VDAC1: variants seen among roughly 807,000 people sequenced by gnomAD.
VDAC1 encodes the protein non-selective voltage-gated ion channel VDAC1.
VDAC1 carries 10 observed loss-of-function variants against 34.7 expected under a neutral mutation model. The ratio of observed to expected loss-of-function variants is 0.29; its 90% confidence interval spans 0.18 to 0.49. The LOEUF (loss-of-function observed/expected upper bound fraction) is 0.49, where lower values mean the gene tolerates loss of function less well. Among genes scored for constraint, VDAC1 ranks in the 20% least tolerant of loss-of-function variants. The pLI is 0.99. For missense variants in VDAC1, 230 were observed against 347.9 expected, an observed-to-expected ratio of 0.66 and a Z score of 2.69; for synonymous variants, 130 against 136.0, an observed-to-expected ratio of 0.96 and a Z score of 0.30.
chr5:134,048,554 T>C, the VDAC1 span, among the ~76,000 whole-genome samples: 1 of 152,230 alleles, frequency 6.6e-6, no homozygotes, highest in African/African-American at 2.4e-5. Flanking sequence ...ATTACAAGCA[T>C]GAGCCACCGT....
the VDAC1 span, among the ~76,000 whole-genome samples, chr5:134,023,232 A>T: frequency 2.4e-4 from 37 of 152,156 alleles, no homozygotes; most frequent in South Asian, 7.5e-3. Flanking sequence ...GGAACAGAAA[A>T]CCAAACACCG....
the VDAC1 span, among the ~76,000 whole-genome samples, chr5:134,092,581 C>T: frequency 6.6e-6 from 1 of 151,252 alleles, no homozygotes; most frequent in Admixed American, 6.6e-5. Context: ...GAGGCTGAGG[C>T]AGGAGAATCG....
chr5:134,081,473 C>A, the VDAC1 span, among the ~76,000 whole-genome samples: 1 of 152,202 alleles, frequency 6.6e-6, no homozygotes, highest in Non-Finnish European at 1.5e-5. Context: ...ACTACTGTGT[C>A]CAGCCAAAAC....
chr5:134,027,836 T>A, the VDAC1 span, among the ~76,000 whole-genome samples: 1 of 148,664 alleles, frequency 6.7e-6, no homozygotes, highest in Non-Finnish European at 1.5e-5. Context: ...AGTGGTGTGA[T>A]CTCGGCTCAC....
the VDAC1 span, among the ~76,000 whole-genome samples, chr5:134,040,705 C>T: frequency 6.6e-5 from 10 of 152,090 alleles, no homozygotes; most frequent in East Asian, 1.2e-3. Flanking sequence ...CCAGCCTGGG[C>T]GACAGAGCGA....
At chr5:134,088,491 G>A in the VDAC1 span, among the ~76,000 whole-genome samples, 2 of 152,228 alleles carry the variant, frequency 1.3e-5, no homozygotes, top group Non-Finnish European at 2.9e-5. Flanking sequence ...GCAAGGGAGA[G>A]CATTCCAGGG....
the VDAC1 span, among the ~76,000 whole-genome samples, chr5:134,062,320 T>A: frequency 2.0e-4 from 30 of 151,908 alleles, no homozygotes; most frequent in African/African-American, 7.2e-4. Context: ...TACGGAATTT[T>A]TATCAAATGC....
At chr5:134,076,656 A>G in the VDAC1 span, among the ~76,000 whole-genome samples, 6 of 152,102 alleles carry the variant, frequency 3.9e-5, no homozygotes, top group African/African-American at 1.4e-4. Context: ...TATACCATAC[A>G]GCCTTCAAAG....
chr5:134,058,226 C>T, the VDAC1 span, among the ~76,000 whole-genome samples: 2 of 152,096 alleles, frequency 1.3e-5, no homozygotes, highest in Non-Finnish European at 2.9e-5. Context: ...GTTTTGTAAG[C>T]TGATGATGAT....
the VDAC1 span, among the ~76,000 whole-genome samples, chr5:134,062,789 G>C: frequency 6.6e-6 from 1 of 151,454 alleles, no homozygotes; most frequent in African/African-American, 2.4e-5. Context: ...ACCATGCTCA[G>C]CTAATTTTTG....
the VDAC1 span, among the ~76,000 whole-genome samples, chr5:134,061,934 G>A: frequency 6.6e-6 from 1 of 151,680 alleles, no homozygotes; most frequent in African/African-American, 2.4e-5. Context: ...GGTTTGGGAA[G>A]TTCCCTTCAA....
the VDAC1 span, among the ~76,000 whole-genome samples, chr5:134,077,502 C>T: frequency 3.0e-4 from 45 of 152,194 alleles, no homozygotes; most frequent in African/African-American, 1.0e-3. Context: ...GAACTGTTCT[C>T]ATGTGCATGG....
At chr5:133,996,491 G>A (rs549430800) in intron 1 of VDAC1, among the ~76,000 whole-genome samples, 1 of 152,124 alleles carries the variant, frequency 6.6e-6, no homozygotes, top group South Asian at 2.1e-4. Context: ...TCTGTCTTGG[G>A]GGTACACATC....
intron 5 of VDAC1, among the ~76,000 whole-genome samples, chr5:133,983,249 TAA>T (rs80036951): frequency 1.1e-4 from 14 of 132,344 alleles, no homozygotes; most frequent in Admixed American, 1.5e-4. Flanking sequence ...ACTCCATCTT[TAA>T]AAAAAAAAAA....
At chr5:134,017,386 G>C in the VDAC1 span, among the ~76,000 whole-genome samples, 2 of 151,734 alleles carry the variant, frequency 1.3e-5, no homozygotes, top group African/African-American at 4.8e-5. Context: ...GAACCTGGAG[G>C]TGGAGGTTGC....
the VDAC1 span, among the ~76,000 whole-genome samples, chr5:134,041,250 CTTCT>C: frequency 6.6e-6 from 1 of 152,206 alleles, no homozygotes; most frequent in Non-Finnish European, 1.5e-5. Flanking sequence ...GCTCAGGGGA[CTTCT>C]TTCTTTGGGG....
the VDAC1 span, among the ~76,000 whole-genome samples, chr5:134,050,963 T>C: frequency 6.6e-6 from 1 of 152,294 alleles, no homozygotes; most frequent in East Asian, 1.9e-4. Context: ...CTTGAGGGCA[T>C]GTGTGAACTC....
At chr5:133,981,158 C>T in intron 5 of VDAC1, 1 of 579,256 alleles carries the variant, frequency 1.7e-6, no homozygotes, top group Non-Finnish European at 3.1e-6. Context: ...CTGCAGAAAC[C>T]CCACAATAAC....
At chr5:134,112,530 G>T in the VDAC1 span, among the ~76,000 whole-genome samples, 1 of 152,240 alleles carries the variant, frequency 6.6e-6, no homozygotes, top group Non-Finnish European at 1.5e-5. Context: ...AGCCAGCAGG[G>T]TGGGGAGTTG....
Sources: gnomAD v4.1 joint callset for allele counts (sites outside exome capture counted in the v4.1 genomes callset) on GRCh38, gnomAD v4.1.1 for gene constraint, MANE v1.5 for transcripts, NCBI Gene and HGNC (gene_info 2026-07-23, HGNC 2026-07-21) for gene names.